USP40: variants seen among roughly 807,000 people sequenced by gnomAD.
USP40 encodes ubiquitin carboxyl-terminal hydrolase 40.
In USP40, 143 loss-of-function variants were observed where a neutral mutation model predicts 166.2. The observed-to-expected ratio is 0.86, with a 90% confidence interval of 0.75 to 0.99. The LOEUF (loss-of-function observed/expected upper bound fraction) is 0.99. Ranked by LOEUF, USP40 falls within the 50% of genes least tolerant of loss-of-function variation. The probability of loss-of-function intolerance (pLI) is 0.00; values close to 1 mark genes in which losing one functional copy is unlikely to be tolerated. For missense variants in USP40, 1,444 were observed against 1,479.7 expected (o/e 0.98, Z 0.40); for synonymous variants, 498 against 524.0 (o/e 0.95, Z 0.68).
chr2:233,542,675 G>T, intron 8 of USP40: 3 of 190,308 alleles, frequency 1.6e-5, no homozygotes, highest in East Asian at 1.3e-4. Context: ...GCAAGACGTT[G>T]TCAAAAAAAA....
chr2:233,552,017 C>T (rs2070614190), intron 6 of USP40, among the ~76,000 whole-genome samples: 1 of 152,082 alleles, frequency 6.6e-6, no homozygotes, highest in African/African-American at 2.4e-5. Context: ...CCTCTAACTT[C>T]CCCAAGGGCT....
intron 12 of USP40, among the ~76,000 whole-genome samples, chr2:233,528,526 C>T (rs2068233243): frequency 6.6e-6 from 1 of 152,142 alleles, no homozygotes; most frequent in Non-Finnish European, 1.5e-5. Context: ...GACCTTAGTG[C>T]GGGTTGATGA....
At chr2:233,558,004 A>C (rs1434368173) in intron 4 of USP40, among the ~76,000 whole-genome samples, 1 of 148,826 alleles carries the variant, frequency 6.7e-6, no homozygotes, top group Non-Finnish European at 1.5e-5. Flanking sequence ...CTCATCTCAA[A>C]AAAAAAAAAA....
At chr2:233,535,957 T>C (rs1397999254) in intron 10 of USP40, among the ~76,000 whole-genome samples, 1 of 152,226 alleles carries the variant, frequency 6.6e-6, no homozygotes, top group Non-Finnish European at 1.5e-5. Flanking sequence ...TTCTGTATTG[T>C]ATTTGCAAAT....
intron 21 of USP40, 131 bp downstream of exon 21, chr2:233,509,918 T>C (rs2066685630): frequency 6.4e-6 from 4 of 620,958 alleles, no homozygotes; most frequent in Non-Finnish European, 5.6e-6. Flanking sequence ...AGTGAGTACA[T>C]ATAATTCTCT....
At chr2:233,552,278 C>A (rs1162703219) in intron 6 of USP40, among the ~76,000 whole-genome samples, 1 of 141,390 alleles carries the variant, frequency 7.1e-6, no homozygotes, top group Non-Finnish European at 1.5e-5. Flanking sequence ...GATTTTCAAA[C>A]AAGCTCTAAA....
Position 233,565,549 on chromosome 2 carries a change from A to C in USP40, c.6T>G (p.Phe2Leu). 1 of 1,536,864 alleles carries C rather than the reference A, an allele frequency of 6.5e-7. No individual in the cohort carries two copies. Among genetic ancestry groups the C allele is most frequent in the Non-Finnish European group, 8.7e-7 (1 of 1,146,732 alleles). Reference sequence around the variant, plus strand: ...AATACTCCTCTTCAAACAGGTCCCCAAACATTGTGAAACTAAATACTACCC... The same window carrying C: ...AATACTCCTCTTCAAACAGGTCCCCCAACATTGTGAAACTAAATACTACCC... M[F>L]GDLFEEEYST... The change falls in exon 2 of 32, where the codon TTT becomes TTG. Residue 2 changes from phenylalanine (F) to leucine (L), a missense_variant. Physicochemically the swap from Phe to Leu is conservative, Grantham distance 22. Coordinates refer to ENST00000678225, the MANE Select transcript of USP40 (RefSeq NM_001365479.2).
chr2:233,497,431 G>C (rs1157044271), intron 23 of USP40, among the ~76,000 whole-genome samples: 1 of 152,148 alleles, frequency 6.6e-6, no homozygotes, highest in South Asian at 2.1e-4. Context: ...AATAATTTAG[G>C]TGAGAGGCAT....
Position 233,527,421 on chromosome 2 carries a change from G to A in USP40, c.1711C>T (p.Gln571Ter). 3.7e-6 allele frequency: 6 copies of A among 1,612,592 alleles called. No individual in the cohort carries two copies. The highest frequency in any genetic ancestry group is 1.3e-5 in the African/African-American group (1 of 75,016). The change falls in exon 13 of 32, where the codon CAG becomes TAG. Residue 571 changes from glutamine to a stop codon, truncating the protein, a stop_gained. Transcript: ENST00000678225. LOFTEE classifies it high-confidence loss of function. Reference sequence around the variant, plus strand: ...GGCGATATTACCTGAAATATTGACTGCCGGAGATCTCCTAAAGTTTTTCTT... The same window carrying A: ...GGCGATATTACCTGAAATATTGACTACCGGAGATCTCCTAAAGTTTTTCTT... ...DKRKTLGDLR[Q>*]SIFQLLEFWE...
rs1185369362 is a variant in USP40 at position 233,485,924 on chromosome 2, T to C, written c.3251A>G (p.Tyr1084Cys). 3.8e-6 allele frequency: 6 copies of C among 1,599,086 alleles called. No homozygotes were observed. The highest frequency in any genetic ancestry group is 5.1e-6 in the Non-Finnish European group (6 of 1,173,726). ...TQVRIPGERT[Y>C]APALDLVWNA... The stretch of plus-strand genomic sequence containing the variant: ...CCACACCAGGTCCAGGGCAGGGGCA[T>C]AGGTCCTCTCACCAGGGATGCGCAC... Residue 1084 changes from tyrosine to cysteine, a missense_variant, in exon 29 of 32, where the codon TAT becomes TGT. Transcript: ENST00000678225.
intron 10 of USP40, among the ~76,000 whole-genome samples, chr2:233,540,290 G>A (rs2069286663): frequency 6.6e-6 from 1 of 152,120 alleles, no homozygotes; most frequent in African/African-American, 2.4e-5. Flanking sequence ...TTTTGAACAA[G>A]TTTATGCCAA....
intron 21 of USP40, 145 bp from the exon 22 acceptor site, chr2:233,500,060 G>T (rs2065976431): frequency 6.6e-6 from 4 of 607,204 alleles, no homozygotes; most frequent in Non-Finnish European, 1.1e-5. Context: ...TAGTTAAGAA[G>T]ATAATACACG....
At chr2:233,534,448 T>C (rs80265351) in intron 10 of USP40, among the ~76,000 whole-genome samples, 2,120 of 152,304 alleles carry the variant, frequency 0.014, 59 homozygotes, top group African/African-American at 0.049. Context: ...CTTTCTTTTC[T>C]CTCAGCCTAA....
chr2:233,531,224 G>C (rs2068499044), intron 11 of USP40, among the ~76,000 whole-genome samples: 1 of 152,114 alleles, frequency 6.6e-6, no homozygotes. Flanking sequence ...TCAATGATCT[G>C]TCTACCTTTT....
At chr2:233,549,346 AAGAGT>A (rs2070318312) in intron 7 of USP40, 117 bp from the exon 8 acceptor site, 2 of 716,726 alleles carry the variant, frequency 2.8e-6, no homozygotes, top group South Asian at 6.8e-5. Context: ...TTTGTTATTT[AAGAGT>A]AAAGATGAAT....
chr2:233,550,120 T>C (rs975291606), intron 7 of USP40, among the ~76,000 whole-genome samples: 1 of 152,142 alleles, frequency 6.6e-6, no homozygotes, highest in Non-Finnish European at 1.5e-5. Flanking sequence ...GATGTACATA[T>C]GGTGGCCGCT....
chr2:233,502,759 A>G (rs1447723845), intron 21 of USP40, among the ~76,000 whole-genome samples: 1 of 152,142 alleles, frequency 6.6e-6, no homozygotes, highest in Non-Finnish European at 1.5e-5. Context: ...TGCACACATC[A>G]TTAATGAGGA....
At chr2:233,561,420 T>C (rs1391219702) in intron 3 of USP40, among the ~76,000 whole-genome samples, 1 of 150,838 alleles carries the variant, frequency 6.6e-6, no homozygotes, top group Non-Finnish European at 1.5e-5. Context: ...GCCACATATC[T>C]ACAACTATCT....
chr2:233,525,663 G>A (rs543634580), intron 13 of USP40, 101 bp from the exon 14 acceptor site: 6 of 813,272 alleles, frequency 7.4e-6, no homozygotes, highest in Non-Finnish European at 9.7e-6. Flanking sequence ...ATGACACAGA[G>A]AGCAAGCAAA....
Sources: allele counts gnomAD v4.1 joint callset (sites outside exome capture counted in the v4.1 genomes callset), GRCh38; gene constraint gnomAD v4.1.1; transcripts MANE v1.5; gene names NCBI Gene and HGNC (gene_info 2026-07-23, HGNC 2026-07-21).